UNC13C: variants seen among roughly 807,000 people sequenced by gnomAD.
UNC13C encodes unc-13 homolog C, also known as protein unc-13 homolog C.
Under a neutral mutation model 245.4 loss-of-function variants are expected in UNC13C, and 174 were observed. That is an observed-to-expected ratio of 0.71 (90% CI 0.63 to 0.80). The LOEUF is 0.80. Ranked by LOEUF, UNC13C falls within the 30% of genes least tolerant of loss-of-function variation. The pLI is 0.00. For synonymous variants in UNC13C, 992 were observed against 895.1 expected, an observed-to-expected ratio of 1.11 and a Z score of -1.93; for missense variants, 2,829 against 2,602.9, an observed-to-expected ratio of 1.09 and a Z score of -1.89.
intron 10 of UNC13C, among the ~76,000 whole-genome samples, chr15:54,286,621 G>A (rs1364881230): frequency 6.6e-6 from 1 of 152,162 alleles, no homozygotes; most frequent in Non-Finnish European, 1.5e-5. Context: ...TTGCTTTAAT[G>A]ATAGGAAATA....
intron 4 of UNC13C, among the ~76,000 whole-genome samples, chr15:54,222,556 G>A (rs938724808): frequency 2.6e-5 from 4 of 152,060 alleles, no homozygotes; most frequent in African/African-American, 9.7e-5. Flanking sequence ...ATAAACATGA[G>A]AGAGCAGGTA....
At chr15:53,984,177 A>G (rs1161320131) in intron 1 of UNC13C, among the ~76,000 whole-genome samples, 1 of 152,112 alleles carries the variant, frequency 6.6e-6, no homozygotes, top group African/African-American at 2.4e-5. Flanking sequence ...TTATAAACTA[A>G]AGCCTTAAAT....
chr15:54,479,204 G>A (rs1596455194), intron 19 of UNC13C, among the ~76,000 whole-genome samples: 1 of 151,978 alleles, frequency 6.6e-6, no homozygotes, highest in Non-Finnish European at 1.5e-5. Flanking sequence ...TATTTTATGG[G>A]GGTCTCTCTC....
chr15:53,953,127 T>C, the UNC13C span, among the ~76,000 whole-genome samples: 4 of 152,228 alleles, frequency 2.6e-5, no homozygotes, highest in African/African-American at 9.6e-5. Context: ...CTTCAGACTT[T>C]GATGTGATGA....
chr15:54,014,129 T>C lies in UNC13C; in HGVS notation c.1226T>C (p.Leu409Pro), dbSNP rs772690678. The C allele has an allele frequency of 2.5e-6, 4 of 1,613,616 alleles. No individual in the cohort carries two copies. In the African/African-American group the frequency reaches 5.3e-5, roughly 22 times the overall value. ...GTGIGISTDI[L>P]THDIRERKEK... ...GGCATTGGAATCTCAACAGATATTC[T>C]AACTCATGACATCAGAGAAAGAAAA... Residue 409 changes from leucine (L) to proline (P), a missense_variant, in exon 2 of 33, where the codon CTA (leucine) becomes CCA (proline). Coordinates refer to ENST00000260323, the MANE Select transcript of UNC13C (RefSeq NM_001080534.3).
At chr15:54,286,853 T>G (rs1224562082) in intron 10 of UNC13C, among the ~76,000 whole-genome samples, 1 of 152,180 alleles carries the variant, frequency 6.6e-6, no homozygotes, top group Non-Finnish European at 1.5e-5. Flanking sequence ...AGTATATTTT[T>G]CTTTAATTTT....
At chr15:54,063,987 C>T (rs1240217964) in intron 2 of UNC13C, among the ~76,000 whole-genome samples, 20 of 152,142 alleles carry the variant, frequency 1.3e-4, no homozygotes, top group Non-Finnish European at 1.5e-5. Context: ...ATTTGGCCCA[C>T]AACCAGGTGA....
At chr15:54,311,843 G>C (rs1455118956) in intron 13 of UNC13C, among the ~76,000 whole-genome samples, 1 of 151,780 alleles carries the variant, frequency 6.6e-6, no homozygotes, top group South Asian at 2.1e-4. Context: ...ATACAATTTT[G>C]CATGATGTAC....
intron 2 of UNC13C, among the ~76,000 whole-genome samples, chr15:54,115,568 T>C (rs561839901): frequency 3.3e-5 from 5 of 152,232 alleles, no homozygotes; most frequent in Admixed American, 2.0e-4. Context: ...TCATATAATG[T>C]GTAAAGATCA....
chr15:54,525,488 G>A, intron 24 of UNC13C, 61 bp from the exon 25 acceptor site: 1 of 1,273,394 alleles, frequency 7.9e-7, no homozygotes, highest in Non-Finnish European at 1.1e-6. Flanking sequence ...ATGCTTGTAA[G>A]CAAAACAGAG....
At chr15:54,446,898 G>C (rs920792019) in intron 19 of UNC13C, among the ~76,000 whole-genome samples, 2 of 152,146 alleles carry the variant, frequency 1.3e-5, no homozygotes, top group Non-Finnish European at 1.5e-5. Flanking sequence ...TCCAGTTTTT[G>C]CCCATTCAGT....
At chr15:54,292,614 A>G (rs917027409) in intron 10 of UNC13C, among the ~76,000 whole-genome samples, 2 of 152,046 alleles carry the variant, frequency 1.3e-5, no homozygotes, top group Admixed American at 6.6e-5. Context: ...TGGGAAGTCT[A>G]GTGAAAACCA....
intron 13 of UNC13C, among the ~76,000 whole-genome samples, chr15:54,317,077 A>G (rs973157920): frequency 6.6e-5 from 10 of 151,990 alleles, no homozygotes; most frequent in Non-Finnish European, 8.8e-5. Flanking sequence ...AAAAATGGTT[A>G]AATACTATAA....
At chr15:53,988,558 A>T (rs1325836935) in intron 1 of UNC13C, among the ~76,000 whole-genome samples, 1 of 151,946 alleles carries the variant, frequency 6.6e-6, no homozygotes, top group Non-Finnish European at 1.5e-5. Flanking sequence ...GGAAATATGA[A>T]TACAGAATTA....
chr15:54,098,392 C>G (rs1899990264), intron 2 of UNC13C, among the ~76,000 whole-genome samples: 1 of 152,066 alleles, frequency 6.6e-6, no homozygotes. Flanking sequence ...CCAGGCTGGT[C>G]TCAAACTCCT....
the UNC13C span, among the ~76,000 whole-genome samples, chr15:53,904,205 C>A: frequency 6.6e-6 from 1 of 152,168 alleles, no homozygotes; most frequent in Non-Finnish European, 1.5e-5. Flanking sequence ...TCTCTTGGTT[C>A]AGTTTCCATT....
intron 19 of UNC13C, among the ~76,000 whole-genome samples, chr15:54,490,516 C>T (rs1029983917): frequency 6.6e-6 from 1 of 152,114 alleles, no homozygotes; most frequent in Admixed American, 6.6e-5. Flanking sequence ...GAAGAAACAA[C>T]TCGAATTGAA....
At chr15:53,991,863 A>G (rs1272071985) in intron 1 of UNC13C, among the ~76,000 whole-genome samples, 2 of 152,074 alleles carry the variant, frequency 1.3e-5, no homozygotes, top group African/African-American at 4.8e-5. Context: ...TATAGATGAT[A>G]GGTATCACTG....
intron 19 of UNC13C, among the ~76,000 whole-genome samples, chr15:54,485,284 TCATC>T (rs1893347394): frequency 6.6e-6 from 1 of 152,242 alleles, no homozygotes; most frequent in East Asian, 1.9e-4. Flanking sequence ...ATTCATCTAT[TCATC>T]CATCTATGGT....
Sources: allele counts gnomAD v4.1 joint callset (sites outside exome capture counted in the v4.1 genomes callset), GRCh38; gene constraint gnomAD v4.1.1; transcripts MANE v1.5; gene names NCBI Gene and HGNC (gene_info 2026-07-23, HGNC 2026-07-21).